MCM3AP: variants seen among roughly 807,000 people sequenced by gnomAD.
MCM3AP encodes minichromosome maintenance complex component 3 associated protein.
MCM3AP carries 126 observed loss-of-function variants against 184.1 expected under a neutral mutation model. The ratio of observed to expected loss-of-function variants is 0.68; its 90% CI spans 0.59 to 0.79. The LOEUF is 0.79. Among genes scored for constraint, MCM3AP ranks in the 30% least tolerant of loss-of-function variants. The pLI is 0.00. For missense variants in MCM3AP, 2,496 were observed against 2,479.2 expected (o/e 1.01, Z -0.14); for synonymous variants, 1,002 against 979.3 (o/e 1.02, Z -0.43).
Position 46,260,777 on chromosome 21 carries a change from C to G in MCM3AP, c.3581+16G>C. The stretch of plus-strand genomic sequence containing the variant: ...CTCACTCTCCTGGCACAGCAAGACA[C>G]CAGCGTTTCACTTACTTCAACTCCT... On this transcript the variant is annotated intron_variant, in intron 15 of 27. Transcript: ENST00000291688. 1 of 1,575,314 alleles carries G rather than the reference C, an allele frequency of 6.3e-7. No homozygotes were observed. Among genetic ancestry groups the G allele is most frequent in the South Asian group, 1.1e-5 (1 of 90,288 alleles).
chr21:46,283,270 T>C (rs1056796969), intron 2 of MCM3AP, among the ~76,000 whole-genome samples: 2 of 152,174 alleles, frequency 1.3e-5, no homozygotes, highest in Non-Finnish European at 2.9e-5. Context: ...GCGATCATCT[T>C]CTATGACCAA....
intron 4 of MCM3AP, among the ~76,000 whole-genome samples, chr21:46,278,129 G>A (rs1180555713): frequency 1.3e-5 from 2 of 150,426 alleles, no homozygotes; most frequent in Non-Finnish European, 2.9e-5. Context: ...TCTCCAGCCT[G>A]GGTGACAGAG....
intron 27 of MCM3AP, chr21:46,236,431 G>A (rs891281743): frequency 6.5e-6 from 1 of 154,796 alleles, no homozygotes; most frequent in Non-Finnish European, 1.4e-5. Context: ...CTTGACTTCT[G>A]GGAGCTTACC....
At chr21:46,248,616 GAAA>G (rs61450735) in intron 20 of MCM3AP, among the ~76,000 whole-genome samples, 2 of 128,034 alleles carry the variant, frequency 1.6e-5, no homozygotes, top group Admixed American at 8.1e-5. Flanking sequence ...TAACAGAGAG[GAAA>G]AAAAAAAAAA....
intron 8 of MCM3AP, among the ~76,000 whole-genome samples, chr21:46,271,153 T>C (rs1213598912): frequency 6.6e-6 from 1 of 152,034 alleles, no homozygotes; most frequent in Non-Finnish European, 1.5e-5. Flanking sequence ...CAATCTTTCA[T>C]AACCAGTTTA....
chr21:46,275,446 A>G, intron 5 of MCM3AP, 121 bp from the exon 6 acceptor site: 1 of 860,016 alleles, frequency 1.2e-6, no homozygotes, highest in East Asian at 2.9e-5. Context: ...ATTACAAAAG[A>G]AAAGAAAAAC....
In MCM3AP at chr21:46,251,612, C is replaced by T. The variant is rs1422532590; in HGVS notation, c.4207G>A (p.Ala1403Thr). The change falls in exon 20 of 28, where the codon GCT becomes ACT. Residue 1403 changes from alanine (A) to threonine (T), a missense_variant. By Grantham distance (58) the Ala-to-Thr change is moderately conservative. This residue lies in a region of MCM3AP where 1,323 missense variants were observed against 1,273.4 expected (regional missense o/e 1.04). Transcript: ENST00000291688. Reference protein sequence around the residue: ...EGSVDDTSSDAGGIQTLSLFN... With the variant: ...EGSVDDTSSDTGGIQTLSLFN... ...AGCGAAAGCGTCTGAATCCCACCAG[C>T]ATCGCTGGATGTGTCATCCACTGAG... 1 of 1,612,206 alleles carries T rather than the reference C, an allele frequency of 6.2e-7. No homozygotes were observed. The highest frequency in any genetic ancestry group is 1.7e-5 in the Admixed American group (1 of 60,016).
Position 46,243,733 on chromosome 21 carries a change from A to C in MCM3AP, c.5039-11T>G, listed in dbSNP as rs1336666347. 1 of 1,612,804 alleles carries C rather than the reference A, an allele frequency of 6.2e-7. No individual in the cohort carries two copies. The highest frequency in any genetic ancestry group is 1.3e-5 in the African/African-American group (1 of 74,908). ...CGGGGAGCCAGGGGGCTGGGGAGAA[A>C]GTGCCTCATTAGTTACAGGTTTGGC... On this transcript the variant is annotated splice_polypyrimidine_tract_variant and intron_variant, in intron 23 of 27. Transcript: ENST00000291688.
At chr21:46,236,558 T>C (rs1262704293) in intron 27 of MCM3AP, among the ~76,000 whole-genome samples, 4 of 152,232 alleles carry the variant, frequency 2.6e-5, no homozygotes, top group Admixed American at 6.5e-5. Flanking sequence ...CTTAATGCCC[T>C]TAATTACACA....
Position 46,284,334 on chromosome 21 carries a change from C to T in MCM3AP, c.953G>A (p.Gly318Asp). The T allele has an allele frequency of 6.2e-7, 1 of 1,614,230 alleles. No homozygotes were observed. Among genetic ancestry groups the T allele is most frequent in the South Asian group, 1.1e-5 (1 of 91,090 alleles). ...AGGTCGTTTGTCTGGAGGATGATCG[C>T]CCCGGGACAGAGGATCCGAATCTTC... ...PAEDSDPLSR[G>D]DHPPDKRPVR... The change falls in exon 1 of 28, where the codon GGC becomes GAC. Residue 318 changes from glycine to aspartate, a missense_variant. Physicochemically the swap from Gly to Asp is moderately conservative, Grantham distance 94. This residue lies in a region of MCM3AP where 800 missense variants were observed against 717.1 expected (regional missense o/e 1.12). Transcript: ENST00000291688.
Position 46,283,852 on chromosome 21 carries a change from G to A in MCM3AP, c.1220-14C>T. ...CTCTTAGAGAATCTAGGGGTTCAGA[G>A]AATGGACACTTAAACCATCAGATGT... On this transcript the variant is annotated splice_polypyrimidine_tract_variant and intron_variant, in intron 1 of 27. Transcript: ENST00000291688. 6.2e-7 allele frequency: 1 copy of A among 1,602,708 alleles called. No homozygotes were observed. The highest frequency in any genetic ancestry group is 1.1e-5 in the South Asian group (1 of 90,670).
At chr21:46,238,897 T>C (rs2080597300) in intron 26 of MCM3AP, among the ~76,000 whole-genome samples, 2 of 152,156 alleles carry the variant, frequency 1.3e-5, no homozygotes, top group African/African-American at 4.8e-5. Flanking sequence ...ATTTATACTT[T>C]AGTGAGGAGA....
rs548657626 is a variant in MCM3AP, at chr21:46,235,691, G to A, written c.5785-265C>T. Among the ~76,000 whole-genome samples, 5 of 152,258 alleles carry A rather than the reference G, an allele frequency of 3.3e-5. No individual in the cohort carries two copies. The South Asian group carries it at 6.2e-4, about 19-fold the overall frequency. ...AGTCATTTTTCACCCAGGCTGGAAC[G>A]CAGTGGTATGATCGGAGCTTACTGC... is the stretch of plus-strand genomic sequence containing the variant. On this transcript the variant is annotated intron_variant, in intron 27 of 27. Coordinates refer to ENST00000291688, the MANE Select transcript of MCM3AP (RefSeq NM_003906.5).
In MCM3AP at chr21:46,272,768, C is replaced by T; in HGVS notation, c.2258G>A (p.Arg753Gln). Reference protein sequence around the residue: ...LTVSLIEKCTRFHIHCAHFMC... With the variant: ...LTVSLIEKCTQFHIHCAHFMC... ...GAAGTGGGCACAGTGGATGTGAAACCGGGTGCACTTCTCAATCAGGGACAC... is the reference window on the plus strand; with the variant it reads ...GAAGTGGGCACAGTGGATGTGAAACTGGGTGCACTTCTCAATCAGGGACAC... Residue 753 changes from arginine (R) to glutamine (Q), a missense_variant, in exon 8 of 28, where the codon CGG becomes CAG. Physicochemically the swap from Arg to Gln is conservative, Grantham distance 43. This residue lies in a region of MCM3AP where 105 missense variants were observed against 97.1 expected (regional missense o/e 1.08). Coordinates refer to ENST00000291688, the MANE Select transcript of MCM3AP (RefSeq NM_003906.5). The T allele has an allele frequency of 6.2e-7, 1 of 1,613,400 alleles. No homozygotes were observed. The highest frequency in any genetic ancestry group is 8.5e-7 in the Non-Finnish European group (1 of 1,179,520).
intron 5 of MCM3AP, among the ~76,000 whole-genome samples, chr21:46,276,628 ATG>A (rs1012318531): frequency 2.1e-4 from 32 of 150,922 alleles, no homozygotes; most frequent in African/African-American, 7.6e-4. Flanking sequence ...TTTAGTAGAG[ATG>A]GGGTTTTTCC....
chr21:46,245,492 C>T (rs2080751637), intron 22 of MCM3AP, among the ~76,000 whole-genome samples: 1 of 152,214 alleles, frequency 6.6e-6, no homozygotes, highest in Non-Finnish European at 1.5e-5. Context: ...AGGAAACCAG[C>T]CCTGAACATC....
chr21:46,279,903 C>G, intron 4 of MCM3AP, 90 bp downstream of exon 4: 1 of 1,355,866 alleles, frequency 7.4e-7, no homozygotes, highest in East Asian at 2.4e-5. Context: ...TCACCACTCC[C>G]CACAGTCTTG....
At chr21:46,270,665 G>T in intron 8 of MCM3AP, 102 bp from the exon 9 acceptor site, 2 of 1,048,784 alleles carry the variant, frequency 1.9e-6, no homozygotes, top group Non-Finnish European at 1.4e-6. Flanking sequence ...CTGGCCAGAT[G>T]CAGTGGCTCA....
intron 6 of MCM3AP, among the ~76,000 whole-genome samples, chr21:46,274,597 T>C (rs1290539663): frequency 6.6e-6 from 1 of 152,156 alleles, no homozygotes; most frequent in Non-Finnish European, 1.5e-5. Context: ...TAATCTCGAA[T>C]GTGTAAAACA....
Sources: gnomAD v4.1 joint callset for allele counts (sites outside exome capture counted in the v4.1 genomes callset) on GRCh38, gnomAD v4.1.1 for gene constraint, gnomAD v4.1.1 regional missense constraint, MANE v1.5 for transcripts, NCBI Gene and HGNC (gene_info 2026-07-23, HGNC 2026-07-21) for gene names.